Variants in RPL30 observed in about 807,000 individuals in gnomAD.
RPL30 encodes ribosomal protein L30.
For missense variants in RPL30, 60 were observed against 138.0 expected (o/e 0.43, Z 2.83); for synonymous variants, 40 against 50.4 (o/e 0.79, Z 0.87).
rs757006806 is a variant in RPL30, at chr8:98,045,408, G to A, written c.-32-9C>T. The A allele has an allele frequency of 3.7e-6, 6 of 1,613,622 alleles. No individual in the cohort carries two copies. The East Asian group carries it at 6.7e-5, about 18-fold the overall frequency. ...GCGGGACGGCCCCCAACCTAGAAGA[G>A]ACAGAGAACAGGACAGGAATTTTAG... On this transcript the variant is annotated splice_polypyrimidine_tract_variant and intron_variant, in intron 1 of 4. Coordinates refer to ENST00000287038, the MANE Select transcript of RPL30 (RefSeq NM_000989.4).
chr8:98,044,757 G>A, intron 3 of RPL30, 186 bp downstream of exon 3: 2 of 604,894 alleles, frequency 3.3e-6, no homozygotes, highest in East Asian at 2.8e-5. Context: ...TAAGCTCACA[G>A]AAGGGGAGCA....
intron 4 of RPL30, 21 bp from the exon 5 acceptor site, chr8:98,041,871 A>G (rs1376513471): frequency 3.9e-6 from 6 of 1,540,128 alleles, no homozygotes; most frequent in Non-Finnish European, 5.3e-6. Flanking sequence ...AAAATAAAAA[A>G]ACAGTAATTT....
intron 1 of RPL30, 29 bp downstream of exon 1, chr8:98,045,479 T>A: frequency 7.5e-7 from 1 of 1,331,578 alleles, no homozygotes; most frequent in Non-Finnish European, 1.1e-6. Context: ...CCGCGCTGCC[T>A]AAACCTCGGT....
chr8:98,045,508 C>T lies in RPL30; in HGVS notation c.-33G>A, dbSNP rs1337208699. 5.0e-6 allele frequency: 4 copies of T among 792,776 alleles called. No individual in the cohort carries two copies. In the East Asian group the frequency reaches 1.1e-4, roughly 21 times the overall value. 49.1% of individuals were successfully genotyped at this position (792,776 alleles called of 1,614,324 possible). On this transcript the variant is annotated splice_region_variant and 5_prime_UTR_variant, in exon 1 of 5. Transcript: ENST00000287038. Reference sequence around the variant, plus strand: ...CCTCGGTCGGTAGGAGCCCACTCACCAACAGCAGCCGCTAAGATGGCCGGG... The same window carrying T: ...CCTCGGTCGGTAGGAGCCCACTCACTAACAGCAGCCGCTAAGATGGCCGGG...
intron 3 of RPL30, 152 bp from the exon 4 acceptor site, chr8:98,042,927 C>G (rs1006794904): frequency 1.1e-5 from 7 of 649,000 alleles, no homozygotes; most frequent in Non-Finnish European, 1.2e-5. Context: ...TATTCATTAT[C>G]CAATACAAAC....
chr8:98,042,163 G>A (rs1207857850), intron 4 of RPL30: 3 of 588,350 alleles, frequency 5.1e-6, no homozygotes, highest in Non-Finnish European at 6.5e-6. Context: ...TTAATATAGC[G>A]AATGTTTAGC....
intron 4 of RPL30, 65 bp downstream of exon 4, chr8:98,042,580 T>C: frequency 1.4e-6 from 2 of 1,448,190 alleles, no homozygotes; most frequent in African/African-American, 1.4e-5. Flanking sequence ...TAGTAAGAAA[T>C]ACTTGTCCAG....
chr8:98,042,642 T>G lies in RPL30; in HGVS notation c.298+3A>C. The G allele has an allele frequency of 3.8e-6, 6 of 1,575,590 alleles. No individual in the cohort carries two copies. The highest frequency in any genetic ancestry group is 5.2e-6 in the Non-Finnish European group (6 of 1,150,904). ...AAAAGACTTTATGATTTAAAAAGCA[T>G]ACCTGGATCAATGATAGCCAGTGTG... On this transcript the variant is annotated splice_donor_region_variant and intron_variant, in intron 4 of 4. Transcript: ENST00000287038.
At chr8:98,041,900 A>C in intron 4 of RPL30, 50 bp from the exon 5 acceptor site, 1 of 1,260,370 alleles carries the variant, frequency 7.9e-7, no homozygotes, top group Middle Eastern at 2.7e-4. Context: ...ATTTAATAGC[A>C]ACTGGTACCA....
chr8:98,042,044 A>T (rs1167430687), intron 4 of RPL30, 194 bp from the exon 5 acceptor site: 1 of 716,732 alleles, frequency 1.4e-6, no homozygotes, highest in Non-Finnish European at 2.5e-6. Flanking sequence ...CTAGAATCAC[A>T]GCCATTATAT....
At chr8:98,042,896 A>AT in intron 3 of RPL30, 121 bp from the exon 4 acceptor site, 1 of 886,250 alleles carries the variant, frequency 1.1e-6, no homozygotes, top group Non-Finnish European at 1.7e-6. Flanking sequence ...ACAAAATCAC[A>AT]TATTACTCTT....
intron 3 of RPL30, 44 bp from the exon 4 acceptor site, chr8:98,042,819 T>C (rs1469184543): frequency 6.6e-7 from 1 of 1,514,480 alleles, no homozygotes; most frequent in Admixed American, 2.4e-5. Context: ...CGATACCAAG[T>C]GACTGACAGA....
At position 98,041,801 on chromosome 8, in the gene RPL30, T is replaced by C. The variant is rs1351137940; in HGVS notation, c.348A>G (p.Ter116=). ...GGTGAAATTTTGTAGGTGAAAAGGT[T>C]TACTTTTCACCAGTCTGTTCTGGCA... is the stretch of plus-strand genomic sequence containing the variant. ...RSMPEQTGEK[*] is the part of the protein sequence containing the mutation. Residue 116 remains the stop codon, a stop_retained_variant, in exon 5 of 5, where the codon TAA becomes TAG. Transcript: ENST00000287038. 6.3e-7 allele frequency: 1 copy of C among 1,594,054 alleles called. No individual in the cohort carries two copies. The highest frequency in any genetic ancestry group is 1.8e-5 in the Admixed American group (1 of 56,702).
intron 2 of RPL30, 41 bp downstream of exon 2, chr8:98,045,306 T>C: frequency 1.2e-6 from 2 of 1,613,912 alleles, no homozygotes; most frequent in Non-Finnish European, 1.7e-6. Flanking sequence ...AAGACATCTC[T>C]CCACGTGAAT....
Position 98,045,375 on chromosome 8 carries a change from C to A in RPL30, c.-8G>T. The A allele has an allele frequency of 1.2e-6, 2 of 1,614,172 alleles. No homozygotes were observed. Among genetic ancestry groups the A allele is most frequent in the Non-Finnish European group, 1.7e-6 (2 of 1,180,022 alleles). ...CTTCTTTGCGGCCACCATCTTCCTG[C>A]CTTAGGAGCGGGACGGCCCCCAACC... On this transcript the variant is annotated 5_prime_UTR_variant, in exon 2 of 5. Transcript: ENST00000287038.
chr8:98,044,142 G>T (rs552808031), intron 3 of RPL30: 6 of 152,400 alleles, frequency 3.9e-5, no homozygotes, highest in African/African-American at 1.2e-4. Flanking sequence ...GGCACCTCGG[G>T]CCCCATCCCA....
chr8:98,043,857 A>T (rs1344017106), intron 3 of RPL30: 4 of 152,162 alleles, frequency 2.6e-5, no homozygotes, highest in Non-Finnish European at 5.9e-5. Flanking sequence ...TCACACCTGT[A>T]ATCTCAGCAG....
intron 2 of RPL30, 101 bp downstream of exon 2, chr8:98,045,246 C>T (rs1348608018): frequency 1.3e-6 from 2 of 1,568,666 alleles, no homozygotes; most frequent in African/African-American, 2.7e-5. Flanking sequence ...CCTCCAAATG[C>T]CAGCAGGCAT....
At chr8:98,044,304 G>C (rs1292584796) in intron 3 of RPL30, 1 of 152,272 alleles carries the variant, frequency 6.6e-6, no homozygotes. Context: ...AAGACAGAAA[G>C]GGCCCTCCAG....
Sources: gnomAD v4.1 joint callset for allele counts on GRCh38, gnomAD v4.1.1 for gene constraint, MANE v1.5 for transcripts, NCBI Gene and HGNC (gene_info 2026-07-23, HGNC 2026-07-21) for gene names.